GABRB2: variants seen among roughly 807,000 people sequenced by gnomAD.
GABRB2 encodes gamma-aminobutyric acid type A receptor subunit beta2, also known as gamma-aminobutyric acid receptor subunit beta-2.
A neutral mutation model predicts 54.7 loss-of-function variants in GABRB2; 16 were observed. The observed-to-expected ratio is 0.29, with a 90% CI of 0.20 to 0.44. The LOEUF is 0.44. GABRB2 is among the 20% of genes least tolerant of loss of function. The probability of loss-of-function intolerance (pLI) is 1.00; values close to 1 mark genes in which losing one functional copy is unlikely to be tolerated. For synonymous variants in GABRB2, 244 were observed against 233.8 expected (o/e 1.04, Z -0.40); for missense variants, 355 against 644.0 (o/e 0.55, Z 4.86).
At chr5:161,472,464 A>G (rs902985403) in intron 3 of GABRB2, among the ~76,000 whole-genome samples, 2 of 150,550 alleles carry the variant, frequency 1.3e-5, no homozygotes, top group African/African-American at 4.9e-5. Flanking sequence ...ATGCACACAC[A>G]CACACACAGT....
chr5:161,456,039 C>T (rs1344169088), intron 4 of GABRB2, among the ~76,000 whole-genome samples: 1 of 152,156 alleles, frequency 6.6e-6, no homozygotes, highest in African/African-American at 2.4e-5. Context: ...TAACCTACCC[C>T]ACCAATCTTT....
chr5:161,460,268 A>ATATGTGTG (rs1473728574), intron 3 of GABRB2, among the ~76,000 whole-genome samples: 4 of 148,570 alleles, frequency 2.7e-5, no homozygotes, highest in African/African-American at 9.9e-5. Flanking sequence ...TTATATATAT[A>ATATGTGTG]TGTGTGTGTG....
intron 4 of GABRB2, among the ~76,000 whole-genome samples, chr5:161,446,696 T>C (rs999957829): frequency 7.2e-5 from 11 of 152,118 alleles, no homozygotes; most frequent in African/African-American, 2.4e-4. Context: ...TTGACAAAAT[T>C]CCTATAAGTT....
chr5:161,477,843 G>C (rs1466663375), intron 3 of GABRB2, among the ~76,000 whole-genome samples: 2 of 151,870 alleles, frequency 1.3e-5, no homozygotes, highest in Admixed American at 6.6e-5. Flanking sequence ...ACAGGGTATA[G>C]GGCTTCAGTT....
intron 4 of GABRB2, among the ~76,000 whole-genome samples, chr5:161,413,334 A>T (rs967001365): frequency 6.6e-6 from 1 of 152,100 alleles, no homozygotes. Context: ...TTTTAACAAT[A>T]GATACATTTT....
At chr5:161,461,823 T>C (rs1007087394) in intron 3 of GABRB2, among the ~76,000 whole-genome samples, 1 of 152,136 alleles carries the variant, frequency 6.6e-6, no homozygotes, top group Non-Finnish European at 1.5e-5. Flanking sequence ...ATGAATGAAA[T>C]AATATATGTC....
chr5:161,501,496 G>C (rs1445064850), intron 3 of GABRB2, among the ~76,000 whole-genome samples: 1 of 152,066 alleles, frequency 6.6e-6, no homozygotes, highest in Admixed American at 6.6e-5. Flanking sequence ...TTAAAAGATA[G>C]TGACCTAATT....
At chr5:161,360,269 GAA>G (rs1253864035) in intron 5 of GABRB2, among the ~76,000 whole-genome samples, 1 of 152,170 alleles carries the variant, frequency 6.6e-6, no homozygotes, top group African/African-American at 2.4e-5. Flanking sequence ...TCTGGGATAG[GAA>G]GAGTACAGGA....
At chr5:161,421,347 G>A (rs976279315) in intron 4 of GABRB2, among the ~76,000 whole-genome samples, 4 of 152,074 alleles carry the variant, frequency 2.6e-5, no homozygotes, top group Admixed American at 6.5e-5. Flanking sequence ...CCATTAGAGC[G>A]ACCCCCAGAT....
intron 5 of GABRB2, among the ~76,000 whole-genome samples, chr5:161,348,410 T>C (rs905913181): frequency 6.6e-6 from 1 of 152,094 alleles, no homozygotes; most frequent in African/African-American, 2.4e-5. Flanking sequence ...CAGAAGATAG[T>C]TGGATTCTCA....
intron 9 of GABRB2, among the ~76,000 whole-genome samples, chr5:161,319,508 C>CT (rs1758146042): frequency 6.6e-6 from 1 of 150,544 alleles, no homozygotes; most frequent in Non-Finnish European, 1.5e-5. Flanking sequence ...AAATAGCACT[C>CT]TGTGGTTATG....
At chr5:161,543,611 C>T (rs1405579867) in intron 3 of GABRB2, among the ~76,000 whole-genome samples, 1 of 152,130 alleles carries the variant, frequency 6.6e-6, no homozygotes, top group African/African-American at 2.4e-5. Flanking sequence ...CAGAATCACA[C>T]CTGATTTCTA....
chr5:161,425,909 A>G (rs914473448), intron 4 of GABRB2, among the ~76,000 whole-genome samples: 3 of 152,126 alleles, frequency 2.0e-5, no homozygotes, highest in Admixed American at 2.0e-4. Flanking sequence ...TTGCTTGTAG[A>G]ATATAAATTG....
At chr5:161,300,875 C>T (rs1757515907) in intron 9 of GABRB2, among the ~76,000 whole-genome samples, 2 of 152,122 alleles carry the variant, frequency 1.3e-5, no homozygotes, top group African/African-American at 2.4e-5. Flanking sequence ...TGGAGACTGA[C>T]CACAGTCCAC....
intron 3 of GABRB2, among the ~76,000 whole-genome samples, chr5:161,470,064 C>A (rs1198171095): frequency 6.9e-6 from 1 of 145,032 alleles, no homozygotes; most frequent in Non-Finnish European, 1.5e-5. Context: ...CTTTTCTTTC[C>A]TTTCATGTTT....
intron 3 of GABRB2, among the ~76,000 whole-genome samples, chr5:161,509,980 T>A (rs901943106): frequency 2.6e-5 from 4 of 151,952 alleles, no homozygotes; most frequent in Non-Finnish European, 5.9e-5. Context: ...TTTAATTATT[T>A]TTAGTTTTAA....
At chr5:161,317,437 G>T (rs1758076323) in intron 9 of GABRB2, among the ~76,000 whole-genome samples, 1 of 152,152 alleles carries the variant, frequency 6.6e-6, no homozygotes, top group Admixed American at 6.5e-5. Context: ...AGTGAATGAT[G>T]CTTGTGTTAC....
intron 9 of GABRB2, among the ~76,000 whole-genome samples, chr5:161,309,492 C>A (rs377270118): frequency 6.6e-6 from 1 of 152,132 alleles, no homozygotes; most frequent in South Asian, 2.1e-4. Flanking sequence ...CTTGACCCAG[C>A]AATCCTATTA....
intron 3 of GABRB2, among the ~76,000 whole-genome samples, chr5:161,473,776 C>T (rs574536491): frequency 2.6e-5 from 4 of 152,002 alleles, no homozygotes; most frequent in African/African-American, 9.6e-5. Flanking sequence ...GTTAAAGGTG[C>T]TAAGTGGCAC....
Sources: gnomAD v4.1 joint callset for allele counts (sites outside exome capture counted in the v4.1 genomes callset) on GRCh38, gnomAD v4.1.1 for gene constraint, MANE v1.5 for transcripts, NCBI Gene and HGNC (gene_info 2026-07-23, HGNC 2026-07-21) for gene names.